The following WAPL variants were observed in gnomAD, a reference collection of about 807,000 sequenced individuals.
The protein encoded by WAPL is wings apart-like protein homolog.
WAPL carries 5 observed loss-of-function variants against 121.0 expected under a neutral mutation model. The observed-to-expected ratio is 0.04, with a 90% CI of 0.02 to 0.09. WAPL has a LOEUF of 0.09. WAPL is among the 10% of genes least tolerant of loss of function. WAPL has a pLI of 1.00. For synonymous variants in WAPL, 480 were observed against 481.5 expected (o/e 1.00, Z 0.04); for missense variants, 999 against 1,410.8 (o/e 0.71, Z 4.68).
intron 18 of WAPL, 143 bp downstream of exon 18, chr10:86,437,777 T>C: frequency 1.1e-6 from 1 of 945,396 alleles, no homozygotes; most frequent in Admixed American, 2.8e-5. Context: ...ATGCAATGAT[T>C]ACCTTGAAGA....
At chr10:86,452,291 GA>G (rs11345126) in intron 14 of WAPL, among the ~76,000 whole-genome samples, 160 bp from the exon 15 acceptor site, 141,070 of 147,856 alleles carry the variant, frequency 0.95, 67,395 homozygotes, top group East Asian at 0.99. Flanking sequence ...AAGAAAAAAA[GA>G]AAAAAAAAAA....
chr10:86,508,456 G>T (rs978827031), intron 2 of WAPL, among the ~76,000 whole-genome samples: 2 of 151,914 alleles, frequency 1.3e-5, no homozygotes, highest in Non-Finnish European at 2.9e-5. Flanking sequence ...CATCCCTCTA[G>T]CTGCCCTTTT....
intron 12 of WAPL, among the ~76,000 whole-genome samples, chr10:86,455,383 C>T (rs1159402644): frequency 6.6e-6 from 1 of 151,966 alleles, no homozygotes; most frequent in Non-Finnish European, 1.5e-5. Flanking sequence ...AAACTTACCC[C>T]CAACCCCGTG....
chr10:86,467,367 T>A lies in WAPL; in HGVS notation c.2282A>T (p.Asn761Ile), dbSNP rs370272388. 1 of 1,613,980 alleles carries A rather than the reference T, an allele frequency of 6.2e-7. No individual in the cohort carries two copies. Among genetic ancestry groups the A allele is most frequent in the African/African-American group, 1.3e-5 (1 of 74,938 alleles). ...TTTAATTTTGTTCATGTCTTTTTCA[T>A]TCAGTAGCTTGGCTGATGAAGCATC... Reference protein sequence around the residue: ...EQDASSAKLLNEKDMNKIKEK... With the variant: ...EQDASSAKLLIEKDMNKIKEK... Residue 761 changes from asparagine (N) to isoleucine (I), a missense_variant, in exon 9 of 19, where the codon AAT becomes ATT. Asn to Ile is a moderately radical substitution (Grantham distance 149). Around this residue, in one of 7 missense-constraint regions of WAPL, gnomAD observed 118 missense variants for 318.3 expected, o/e 0.37. Coordinates refer to ENST00000298767, the MANE Select transcript of WAPL (RefSeq NM_015045.5).
At chr10:86,503,027 G>A (rs1362330219) in intron 2 of WAPL, among the ~76,000 whole-genome samples, 9 of 151,964 alleles carry the variant, frequency 5.9e-5, no homozygotes, top group African/African-American at 1.5e-4. Context: ...GCGTGGTGGC[G>A]GGCGCCTGTA....
intron 14 of WAPL, 114 bp from the exon 15 acceptor site, chr10:86,452,245 C>G (rs909944055): frequency 7.2e-6 from 7 of 970,040 alleles, no homozygotes; most frequent in Non-Finnish European, 8.8e-6. Flanking sequence ...GTTCTACCAC[C>G]TACAAAATGG....
chr10:86,449,381 C>G (rs954913205), intron 15 of WAPL, among the ~76,000 whole-genome samples: 3 of 152,108 alleles, frequency 2.0e-5, no homozygotes, highest in Admixed American at 6.5e-5. Context: ...GAACCCATCA[C>G]CCAAAAGGTA....
rs540773104 is a variant in WAPL at position 86,517,025 on chromosome 10, T to G, written c.499+546A>C. Among the ~76,000 whole-genome samples, 289 of 152,058 alleles carry G rather than the reference T, an allele frequency of 1.9e-3. 1 individual carries two copies. The highest frequency in any genetic ancestry group is 6.5e-3 in the African/African-American group (270 of 41,496). ...ATGAACCTGGGAGGCGGAGCCAGCATGGGCGACAGCGAGACTCCTTCTCAA... is the reference window on the plus strand; with the variant it reads ...ATGAACCTGGGAGGCGGAGCCAGCAGGGGCGACAGCGAGACTCCTTCTCAA... On this transcript the variant is annotated intron_variant, in intron 2 of 18. Coordinates refer to ENST00000298767, the MANE Select transcript of WAPL (RefSeq NM_015045.5).
chr10:86,447,835 A>G (rs1849662425), intron 15 of WAPL, among the ~76,000 whole-genome samples: 1 of 151,878 alleles, frequency 6.6e-6, no homozygotes, highest in African/African-American at 2.4e-5. Context: ...GGATCACTTT[A>G]GGTCAGGAGT....
rs775147089 is a variant in WAPL, at chr10:86,521,527, G to C, written c.-185C>G. On this transcript the variant is annotated 5_prime_UTR_variant, in exon 1 of 19. Coordinates refer to ENST00000298767, the MANE Select transcript of WAPL (RefSeq NM_015045.5). ...TTTCGGTAAATAGGAAGCCCGGTTG[G>C]GGGGGCAGGAGCGGCGGCCCCGCAA... The C allele has an allele frequency of 9.5e-5, 35 of 366,842 alleles. No homozygotes were observed. The highest frequency in any genetic ancestry group is 4.7e-4 in the Middle Eastern group (1 of 2,142). The allele number at this position is 366,842 out of a possible 1,614,324, so 22.7% of individuals were successfully genotyped here. A position where few individuals can be genotyped will look rare whatever the true frequency, so the allele number is the denominator to read the frequency against.
chr10:86,451,930 C>A, intron 15 of WAPL, 37 bp downstream of exon 15: 2 of 1,604,048 alleles, frequency 1.2e-6, no homozygotes, highest in South Asian at 2.2e-5. Context: ...ATCCAACAAA[C>A]TGCAGTTATG....
intron 4 of WAPL, among the ~76,000 whole-genome samples, chr10:86,477,736 G>T (rs1589517337): frequency 6.6e-6 from 1 of 152,238 alleles, no homozygotes; most frequent in East Asian, 1.9e-4. Flanking sequence ...AGAAGGTAGA[G>T]GCTGCAGTGA....
chr10:86,482,869 T>A (rs764246910), intron 4 of WAPL, among the ~76,000 whole-genome samples: 4 of 152,174 alleles, frequency 2.6e-5, no homozygotes, highest in Non-Finnish European at 5.9e-5. Flanking sequence ...AAACTTCCCA[T>A]TATAAAATGA....
intron 4 of WAPL, among the ~76,000 whole-genome samples, chr10:86,478,958 G>A (rs1841722010): frequency 6.6e-6 from 1 of 152,054 alleles, no homozygotes; most frequent in South Asian, 2.1e-4. Flanking sequence ...TTAGCCGGGT[G>A]TGGTGGCACA....
chr10:86,507,639 C>T (rs1842376810), intron 2 of WAPL, among the ~76,000 whole-genome samples: 1 of 151,998 alleles, frequency 6.6e-6, no homozygotes, highest in Admixed American at 6.6e-5. Flanking sequence ...TCTCAGCCAC[C>T]AGTTCTCAGT....
At chr10:86,496,581 G>C (rs1842154213) in intron 4 of WAPL, among the ~76,000 whole-genome samples, 1 of 152,148 alleles carries the variant, frequency 6.6e-6, no homozygotes, top group Non-Finnish European at 1.5e-5. Flanking sequence ...AAATGTGGAA[G>C]GCATGGAGGT....
chr10:86,507,382 A>G (rs1842372795), intron 2 of WAPL, among the ~76,000 whole-genome samples: 1 of 151,306 alleles, frequency 6.6e-6, no homozygotes, highest in Admixed American at 6.6e-5. Flanking sequence ...AAAAAAAAAA[A>G]AAAAAAATTA....
chr10:86,460,338 C>T, intron 11 of WAPL, 61 bp downstream of exon 11: 1 of 1,369,778 alleles, frequency 7.3e-7, no homozygotes, highest in South Asian at 1.2e-5. Flanking sequence ...CAGTCTCTCT[C>T]TTACACACAC....
At chr10:86,478,768 T>A (rs1291391877) in intron 4 of WAPL, among the ~76,000 whole-genome samples, 1 of 152,130 alleles carries the variant, frequency 6.6e-6, no homozygotes, top group African/African-American at 2.4e-5. Context: ...AAGGTTGTTG[T>A]TAACAGACTG....
Sources: allele counts gnomAD v4.1 joint callset (sites outside exome capture counted in the v4.1 genomes callset), GRCh38; gene constraint gnomAD v4.1.1; regional missense constraint gnomAD v4.1.1; transcripts MANE v1.5; gene names NCBI Gene and HGNC (gene_info 2026-07-23, HGNC 2026-07-21).